Variants in GPD1 observed in about 807,000 individuals in gnomAD.
GPD1 encodes glycerol-3-phosphate dehydrogenase [NAD(+)], cytoplasmic.
Under a neutral mutation model 34.4 loss-of-function variants are expected in GPD1, and 19 were observed. The ratio of observed to expected loss-of-function variants is 0.55; its 90% confidence interval spans 0.39 to 0.81. The LOEUF (loss-of-function observed/expected upper bound fraction) is 0.81. Among genes scored for constraint, GPD1 ranks in the 30% least tolerant of loss-of-function variants. GPD1 has a pLI of 0.00. For synonymous variants in GPD1, 172 were observed against 174.1 expected (o/e 0.99, Z 0.09); for missense variants, 429 against 447.0 (o/e 0.96, Z 0.36).
chr12:50,107,783 T>G lies in GPD1; in HGVS notation c.829T>G (p.Phe277Val), dbSNP rs201246290. ...GCGGAACCGGAAAGTGGCTGAGGCCTTTGCGCGTACAGGAAAGGTGGGCCC... is the reference window on the plus strand; with the variant it reads ...GCGGAACCGGAAAGTGGCTGAGGCCGTTGCGCGTACAGGAAAGGTGGGCCC... ...GGRNRKVAEA[F>V]ARTGKSIEQL... Residue 277 changes from phenylalanine (F) to valine (V), a missense_variant, in exon 6 of 8, where the codon TTT becomes GTT. Transcript: ENST00000301149. The G allele has an allele frequency of 1.2e-6, 2 of 1,612,900 alleles. No homozygotes were observed. Among genetic ancestry groups the G allele is most frequent in the East Asian group, 4.5e-5 (2 of 44,870 alleles).
At chr12:50,105,481 C>A (rs1290505624) in intron 2 of GPD1, 67 bp from the exon 3 acceptor site, 2 of 1,540,894 alleles carry the variant, frequency 1.3e-6, no homozygotes, top group East Asian at 2.3e-5. Flanking sequence ...CCCAGATCTC[C>A]TGAATAGGGT....
Position 50,109,921 on chromosome 12 carries a change from T to A in GPD1, c.*402T>A, listed in dbSNP as rs1026408304. The A allele has an allele frequency of 5.5e-6, 1 of 180,304 alleles. No homozygotes were observed. Among genetic ancestry groups the A allele is most frequent in the Non-Finnish European group, 1.2e-5 (1 of 84,506 alleles). The allele number at this position is 180,304 out of a possible 1,614,324, so 11.2% of individuals were successfully genotyped here. A position where few individuals can be genotyped will look rare whatever the true frequency, so the allele number is the denominator to read the frequency against. ...TACACCAGTAATCCTGTTAAAGGGC[T>A]GAAGAAGTATCTTAGCCACAGGAGC... is the stretch of plus-strand genomic sequence containing the variant. On this transcript the variant is annotated 3_prime_UTR_variant, in exon 8 of 8. Coordinates refer to ENST00000301149, the MANE Select transcript of GPD1 (RefSeq NM_005276.4).
At chr12:50,107,883 C>A (rs756612489) in intron 6 of GPD1, 83 bp downstream of exon 6, 2 of 1,118,242 alleles carry the variant, frequency 1.8e-6, no homozygotes, top group Non-Finnish European at 1.4e-6. Context: ...ATCTCTGGAG[C>A]ACAAACATTA....
chr12:50,107,280 G>T (rs1398402946), intron 5 of GPD1: 7 of 656,408 alleles, frequency 1.1e-5, no homozygotes, highest in Non-Finnish European at 2.0e-5. Flanking sequence ...ATCCTGGACA[G>T]CTGTTGACTT....
In GPD1 at chr12:50,109,751, T is replaced by C; in HGVS notation, c.*232T>C. The C allele has an allele frequency of 1.9e-6, 1 of 515,468 alleles. No homozygotes were observed. 31.9% of individuals were successfully genotyped at this position (515,468 alleles called of 1,614,324 possible). On this transcript the variant is annotated 3_prime_UTR_variant, in exon 8 of 8. Transcript: ENST00000301149. ...GCCAGAAATGCAGTTGCCCTGTCCC[T>C]CTCCAGATGTGGGGCTTTCTCCATA...
chr12:50,107,076 G>T, intron 5 of GPD1, 159 bp downstream of exon 5: 1 of 704,022 alleles, frequency 1.4e-6, no homozygotes. Context: ...GCAGAAGCAA[G>T]GCCAGGGCCA....
intron 5 of GPD1, chr12:50,107,294 G>C (rs887019494): frequency 3.6e-5 from 24 of 662,598 alleles, no homozygotes; most frequent in Admixed American, 1.2e-4. Context: ...TTGACTTGAG[G>C]GCTGTACAAT....
chr12:50,105,456 C>CCTCA, intron 2 of GPD1, 92 bp from the exon 3 acceptor site: 1 of 1,331,474 alleles, frequency 7.5e-7, no homozygotes, highest in Non-Finnish European at 1.0e-6. Flanking sequence ...CCCCTACCAG[C>CCTCA]CTCACTCTTT....
At chr12:50,107,824 C>T (rs368271316) in intron 6 of GPD1, 24 bp downstream of exon 6, 1 of 1,540,528 alleles carries the variant, frequency 6.5e-7, no homozygotes, top group Non-Finnish European at 9.0e-7. Context: ...GAAGGGAGAA[C>T]AGAGGGGCGG....
chr12:50,109,505 C>T lies in GPD1; in HGVS notation c.1036C>T (p.Pro346Ser), dbSNP rs145508873. The T allele has an allele frequency of 3.9e-6, 6 of 1,553,136 alleles. No individual in the cohort carries two copies. Among genetic ancestry groups the T allele is most frequent in the Non-Finnish European group, 4.4e-6 (5 of 1,124,134 alleles). ...GEFIHCLQNH[P>S]EHM ...ATTCATCCACTGCCTGCAGAATCAT[C>T]CAGAACATATGTGAGTGGGGCCAGG... Residue 346 changes from proline (P) to serine (S), a missense_variant, in exon 8 of 8, where the codon CCA (proline) becomes TCA (serine). Physicochemically the swap from Pro to Ser is moderately conservative, Grantham distance 74 (BLOSUM62 -1). Coordinates refer to ENST00000301149, the MANE Select transcript of GPD1 (RefSeq NM_005276.4).
Position 50,108,068 on chromosome 12 carries a change from G to A in GPD1, c.891G>A (p.Leu297=), listed in dbSNP as rs543908132. 1.2e-6 allele frequency: 2 copies of A among 1,613,466 alleles called. No homozygotes were observed. Among genetic ancestry groups the A allele is most frequent in the East Asian group, 2.2e-5 (1 of 44,878 alleles). Reference sequence around the variant, plus strand: ...AAGAGTTGCTGAATGGGCAGAAACTGCAGGGGCCCGAGACAGCCCGGGAGC... The same window carrying A: ...AAGAGTTGCTGAATGGGCAGAAACTACAGGGGCCCGAGACAGCCCGGGAGC... The part of the protein sequence containing the change: ...LEKELLNGQK[L]QGPETARELY... The change falls in exon 7 of 8, where the codon CTG becomes CTA. Residue 297 remains leucine, a synonymous_variant. Coordinates refer to ENST00000301149, the MANE Select transcript of GPD1 (RefSeq NM_005276.4).
intron 3 of GPD1, 103 bp downstream of exon 3, chr12:50,105,791 A>C: frequency 8.4e-7 from 1 of 1,195,552 alleles, no homozygotes; most frequent in Non-Finnish European, 1.2e-6. Flanking sequence ...ACGCAGGCCA[A>C]GAGTTTGCTG....
Position 50,104,071 on chromosome 12 carries a change from C to A in GPD1, c.21C>A (p.Cys7Ter), listed in dbSNP as rs1434692571. 1.2e-5 allele frequency: 20 copies of A among 1,613,944 alleles called. No homozygotes were observed. Among genetic ancestry groups the A allele is most frequent in the Non-Finnish European group, 1.7e-5 (20 of 1,179,978 alleles). Residue 7 changes from cysteine (C) to a stop codon, truncating the protein, a stop_gained, in exon 1 of 8, where the codon TGC (cysteine) becomes TGA (stop). Transcript: ENST00000301149. LOFTEE classifies it high-confidence loss of function. ...GCACCATGGCTAGCAAGAAAGTCTG[C>A]ATTGTAGGCTCCGGGAACTGGTAAG... MASKKV[C>*]IVGSGNWGSA... is the part of the protein sequence containing the mutation.
At chr12:50,105,052 C>G (rs1950968874) in intron 2 of GPD1, 2 of 408,580 alleles carry the variant, frequency 4.9e-6, no homozygotes, top group Non-Finnish European at 4.4e-6. Flanking sequence ...GGCACTAATC[C>G]TGTTACTCAT....
chr12:50,106,940 T>G, intron 5 of GPD1, 23 bp downstream of exon 5: 2 of 1,442,976 alleles, frequency 1.4e-6, no homozygotes, highest in Non-Finnish European at 2.0e-6. Flanking sequence ...CAGAGGCAGC[T>G]ATGGGGTGAG....
chr12:50,104,087 A>G lies in GPD1; in HGVS notation c.37A>G (p.Asn13Asp). The change falls in exon 1 of 8, where the codon AAC becomes GAC. Residue 13 changes from asparagine (N) to aspartate (D), a missense_variant. By Grantham distance (23) the Asn-to-Asp change is conservative. Transcript: ENST00000301149. Reference protein sequence around the residue: ...SKKVCIVGSGNWGSAIAKIVG... With the variant: ...SKKVCIVGSGDWGSAIAKIVG... ...GAAAGTCTGCATTGTAGGCTCCGGG[A>G]ACTGGTAAGCAGCTCTGTCAAGTGA... 2 of 1,614,018 alleles carry G rather than the reference A, an allele frequency of 1.2e-6. No individual in the cohort carries two copies. Among genetic ancestry groups the G allele is most frequent in the Non-Finnish European group, 1.7e-6 (2 of 1,179,948 alleles).
Position 50,105,653 on chromosome 12 carries a change from C to T in GPD1, c.325C>T (p.Leu109=). Residue 109 remains leucine, a synonymous_variant, in exon 3 of 8, where the codon CTG becomes TTG. Transcript: ENST00000301149. ...GATCTGTGACCAGCTCAAGGGCCAT[C>T]TGAAGGCAAACGCCACTGGCATATC... ...GKICDQLKGH[L]KANATGISLI... 1.2e-6 allele frequency: 2 copies of T among 1,614,176 alleles called. No individual in the cohort carries two copies. Among genetic ancestry groups the T allele is most frequent in the Non-Finnish European group, 1.7e-6 (2 of 1,179,976 alleles).
chr12:50,104,151 A>G (rs1038918970), intron 1 of GPD1, 60 bp downstream of exon 1: 2 of 1,507,106 alleles, frequency 1.3e-6, no homozygotes, highest in African/African-American at 1.4e-5. Context: ...AGAGGTGGGT[A>G]GGAGGCAGAA....
intron 2 of GPD1, among the ~76,000 whole-genome samples, 169 bp downstream of exon 2, chr12:50,104,920 C>T (rs1282023879): frequency 6.6e-6 from 1 of 152,180 alleles, no homozygotes; most frequent in Admixed American, 6.5e-5. Flanking sequence ...CTGAGGAGAA[C>T]CTATGCTTTC....
Sources: allele counts gnomAD v4.1 joint callset (sites outside exome capture counted in the v4.1 genomes callset), GRCh38; gene constraint gnomAD v4.1.1; transcripts MANE v1.5; gene names NCBI Gene and HGNC (gene_info 2026-07-23, HGNC 2026-07-21).